CHST9: variants seen among roughly 807,000 people sequenced by gnomAD.
CHST9 encodes carbohydrate sulfotransferase 9.
In CHST9, 41 loss-of-function variants were observed where a neutral mutation model predicts 44.4. The observed-to-expected ratio is 0.92, with a 90% CI of 0.72 to 1.20. CHST9 has a LOEUF of 1.20. CHST9 is among the 50% of genes most tolerant of loss of function. The pLI, the probability that CHST9 is intolerant of heterozygous loss-of-function variation, is 0.00. For synonymous variants in CHST9, 171 were observed against 178.4 expected, an observed-to-expected ratio of 0.96 and a Z score of 0.33; for missense variants, 504 against 516.5, an observed-to-expected ratio of 0.98 and a Z score of 0.23.
chr18:27,037,405 A>G (rs1396038150), intron 3 of CHST9, among the ~76,000 whole-genome samples: 3 of 152,166 alleles, frequency 2.0e-5, no homozygotes, highest in Non-Finnish European at 2.9e-5. Context: ...AAGACAAACA[A>G]ATGCCTGGGC....
At chr18:27,178,913 A>C (rs1280278083) in intron 1 of CHST9, among the ~76,000 whole-genome samples, 1 of 152,002 alleles carries the variant, frequency 6.6e-6, no homozygotes, top group Non-Finnish European at 1.5e-5. Flanking sequence ...GGACTAGTGC[A>C]GTTCTTTTTT....
chr18:27,109,248 G>C (rs757398179), intron 2 of CHST9, among the ~76,000 whole-genome samples: 6 of 152,064 alleles, frequency 3.9e-5, no homozygotes, highest in Non-Finnish European at 8.8e-5. Flanking sequence ...GGGAGCTGGC[G>C]CATAAGTTAA....
intron 4 of CHST9, among the ~76,000 whole-genome samples, chr18:26,990,874 C>G (rs1425472366): frequency 6.6e-6 from 1 of 152,212 alleles, no homozygotes; most frequent in African/African-American, 2.4e-5. Context: ...TTCCCTTCCT[C>G]CTTCTGCTCT....
chr18:27,107,430 A>C (rs976663452), intron 2 of CHST9, among the ~76,000 whole-genome samples: 3 of 152,228 alleles, frequency 2.0e-5, no homozygotes, highest in Non-Finnish European at 4.4e-5. Context: ...ACATAAAAAC[A>C]GCAAAGACTT....
At chr18:27,064,503 C>A (rs746405027) in intron 2 of CHST9, among the ~76,000 whole-genome samples, 2 of 152,190 alleles carry the variant, frequency 1.3e-5, no homozygotes, top group Admixed American at 6.5e-5. Flanking sequence ...CAAGACAGTT[C>A]GAACTCCAGA....
chr18:27,050,871 T>C (rs1390930105), intron 2 of CHST9, among the ~76,000 whole-genome samples: 6 of 152,208 alleles, frequency 3.9e-5, no homozygotes, highest in African/African-American at 1.4e-4. Flanking sequence ...TTGTAAAATA[T>C]GTAAACAAAA....
chr18:27,143,996 A>G (rs940751155), intron 1 of CHST9, among the ~76,000 whole-genome samples: 1 of 152,064 alleles, frequency 6.6e-6, no homozygotes, highest in African/African-American at 2.4e-5. Context: ...AAACAAACAA[A>G]AAGAATCCCT....
At chr18:27,117,559 C>A (rs1481210733) in intron 2 of CHST9, among the ~76,000 whole-genome samples, 1 of 152,204 alleles carries the variant, frequency 6.6e-6, no homozygotes, top group Non-Finnish European at 1.5e-5. Flanking sequence ...CCTTCCCTCT[C>A]CCCTAACCCT....
rs201843992 is a variant in CHST9, at chr18:27,161,791, C to G, written c.-96-18886G>C. ...GACTTGCTTTATGAATCTGGGTGCT[C>G]CTGTATTGTGTGCATATATATTTAG... On this transcript the variant is annotated intron_variant, in intron 1 of 5. Coordinates refer to ENST00000618847, the MANE Select transcript of CHST9 (RefSeq NM_031422.6). 5.9e-4 allele frequency among the ~76,000 whole-genome samples: 90 copies of G among 152,114 alleles called. 1 individual carries two copies. Among genetic ancestry groups the G allele is most frequent in the Admixed American group, 4.3e-3 (65 of 15,276 alleles).
intron 1 of CHST9, among the ~76,000 whole-genome samples, chr18:27,145,628 T>A (rs1041458344): frequency 6.6e-6 from 1 of 152,244 alleles, no homozygotes; most frequent in African/African-American, 2.4e-5. Flanking sequence ...ATTTCACTAG[T>A]GCTTTTGAGG....
At chr18:27,106,850 C>T (rs532569540) in intron 2 of CHST9, among the ~76,000 whole-genome samples, 1 of 152,126 alleles carries the variant, frequency 6.6e-6, no homozygotes, top group African/African-American at 2.4e-5. Flanking sequence ...CATAAAATAA[C>T]CTTTTTATTT....
At chr18:27,147,619 T>G (rs888215557) in intron 1 of CHST9, 17 of 152,164 alleles carry the variant, frequency 1.1e-4, no homozygotes, top group African/African-American at 4.1e-4. Context: ...CATGTTTACC[T>G]TCATTGGTCC....
chr18:27,107,875 C>G (rs914823857), intron 2 of CHST9, among the ~76,000 whole-genome samples: 6 of 152,152 alleles, frequency 3.9e-5, no homozygotes, highest in Admixed American at 3.3e-4. Flanking sequence ...CTGTGGACAA[C>G]AATGAAGCGG....
At chr18:27,075,006 G>A (rs1011052507) in intron 2 of CHST9, among the ~76,000 whole-genome samples, 1 of 139,616 alleles carries the variant, frequency 7.2e-6, no homozygotes, top group Non-Finnish European at 1.5e-5. Flanking sequence ...TTTCCACTAT[G>A]TTTTTCTTTT....
chr18:26,950,127 T>C (rs1206094745), intron 4 of CHST9, among the ~76,000 whole-genome samples: 5 of 152,252 alleles, frequency 3.3e-5, no homozygotes, highest in African/African-American at 9.6e-5. Flanking sequence ...AACAAGTTCT[T>C]ATGCTTTTTC....
intron 1 of CHST9, among the ~76,000 whole-genome samples, chr18:27,152,655 T>C (rs1207855919): frequency 1.3e-5 from 2 of 152,178 alleles, no homozygotes; most frequent in Non-Finnish European, 2.9e-5. Context: ...CCAACATATG[T>C]TGAGAATCAT....
At chr18:26,929,834 G>T (rs1292896333) in intron 5 of CHST9, among the ~76,000 whole-genome samples, 1 of 152,180 alleles carries the variant, frequency 6.6e-6, no homozygotes, top group East Asian at 1.9e-4. Context: ...TCTGAGTCAA[G>T]ATAAGGTGAA....
At chr18:27,181,136 C>T (rs780137402) in intron 1 of CHST9, among the ~76,000 whole-genome samples, 2 of 152,284 alleles carry the variant, frequency 1.3e-5, no homozygotes, top group East Asian at 3.9e-4. Context: ...ATCTTATCTG[C>T]TTTTCCCATC....
chr18:27,131,746 G>T (rs752705523), intron 2 of CHST9, among the ~76,000 whole-genome samples: 19 of 152,162 alleles, frequency 1.2e-4, no homozygotes, highest in Non-Finnish European at 1.8e-4. Context: ...TTATAAATAA[G>T]ACCTAAGGCC....
Sources: allele counts gnomAD v4.1 joint callset (sites outside exome capture counted in the v4.1 genomes callset), GRCh38; gene constraint gnomAD v4.1.1; transcripts MANE v1.5; gene names NCBI Gene and HGNC (gene_info 2026-07-23, HGNC 2026-07-21).